The following SLC25A26 variants were observed in gnomAD, a reference collection of about 807,000 sequenced individuals.
SLC25A26 encodes mitochondrial S-adenosylmethionine carrier protein.
Under a neutral mutation model 37.8 loss-of-function variants are expected in SLC25A26, and 36 were observed. The observed-to-expected ratio is 0.95, with a 90% CI of 0.73 to 1.26. The LOEUF is 1.26. Among genes scored for constraint, SLC25A26 ranks in the 50% most tolerant of loss-of-function variants. The pLI is 0.00. For missense variants in SLC25A26, 390 were observed against 331.1 expected (o/e 1.18, Z -1.38); for synonymous variants, 129 against 122.5 (o/e 1.05, Z -0.35).
intron 1 of SLC25A26, among the ~76,000 whole-genome samples, chr3:66,205,578 T>C (rs1011226297): frequency 1.3e-5 from 2 of 152,354 alleles, no homozygotes; most frequent in Non-Finnish European, 2.9e-5. Context: ...TCATTCATAT[T>C]TGGACTGATG....
At chr3:66,235,458 C>G (rs2072231128) in intron 1 of SLC25A26, among the ~76,000 whole-genome samples, 1 of 1,890 alleles carries the variant, frequency 5.3e-4, no homozygotes, top group Admixed American at 3.0e-3. Flanking sequence ...AGGAATTTAG[C>G]TCTTAAAAAA....
At chr3:66,375,720 G>C (rs1003220507) in intron 9 of SLC25A26, among the ~76,000 whole-genome samples, 1 of 152,016 alleles carries the variant, frequency 6.6e-6, no homozygotes, top group African/African-American at 2.4e-5. Flanking sequence ...AAATATTTCC[G>C]CTCATTGACA....
chr3:66,367,441 G>C (rs964531078), intron 7 of SLC25A26, among the ~76,000 whole-genome samples: 1 of 152,108 alleles, frequency 6.6e-6, no homozygotes. Context: ...TAGCTCATAA[G>C]GTACTTCAGC....
intron 5 of SLC25A26, among the ~76,000 whole-genome samples, chr3:66,316,908 G>A (rs190967845): frequency 1.3e-5 from 2 of 152,138 alleles, no homozygotes; most frequent in Non-Finnish European, 2.9e-5. Flanking sequence ...ATTGATACTT[G>A]TGTTGGCATT....
chr3:66,141,849 G>A (rs1408634133), intron 1 of SLC25A26, among the ~76,000 whole-genome samples: 1 of 152,240 alleles, frequency 6.6e-6, no homozygotes, highest in Non-Finnish European at 1.5e-5. Context: ...ACTCAAAGCT[G>A]TGGATGGAAG....
intron 1 of SLC25A26, among the ~76,000 whole-genome samples, chr3:66,208,535 C>A (rs2071210564): frequency 6.6e-6 from 1 of 151,464 alleles, no homozygotes; most frequent in Non-Finnish European, 1.5e-5. Flanking sequence ...GGACAACCCA[C>A]TTTTCCGGGA....
At chr3:66,171,229 G>C (rs896839421) in intron 1 of SLC25A26, among the ~76,000 whole-genome samples, 4 of 152,140 alleles carry the variant, frequency 2.6e-5, no homozygotes, top group Admixed American at 2.6e-4. Flanking sequence ...ATGTAGCATG[G>C]GTAAACTGAG....
At chr3:66,210,872 C>T (rs1047423452) in intron 1 of SLC25A26, among the ~76,000 whole-genome samples, 7 of 152,252 alleles carry the variant, frequency 4.6e-5, no homozygotes, top group Admixed American at 2.6e-4. Flanking sequence ...AGCAAGGAGA[C>T]GTGACTGGCG....
chr3:66,239,090 T>C (rs1559603618), intron 2 of SLC25A26, among the ~76,000 whole-genome samples: 1 of 152,228 alleles, frequency 6.6e-6, no homozygotes, highest in Non-Finnish European at 1.5e-5. Flanking sequence ...TCTGCTCGAT[T>C]GTCTGATGTC....
intron 1 of SLC25A26, among the ~76,000 whole-genome samples, chr3:66,183,771 A>C (rs553259661): frequency 7.9e-5 from 12 of 151,978 alleles, no homozygotes; most frequent in African/African-American, 2.7e-4. Flanking sequence ...TTGACACTGA[A>C]CGTGATGCTA....
intron 3 of SLC25A26, among the ~76,000 whole-genome samples, chr3:66,260,648 A>C (rs190447442): frequency 2.0e-5 from 3 of 152,180 alleles, no homozygotes; most frequent in Non-Finnish European, 4.4e-5. Flanking sequence ...CCCACTTGTC[A>C]TGGGGTGCTC....
chr3:66,144,425 A>G (rs1433132564), intron 1 of SLC25A26, among the ~76,000 whole-genome samples: 2 of 152,208 alleles, frequency 1.3e-5, no homozygotes, highest in South Asian at 2.1e-4. Context: ...AGCATGATAT[A>G]GCACACTGGT....
intron 1 of SLC25A26, among the ~76,000 whole-genome samples, chr3:66,162,813 C>A (rs998803069): frequency 6.6e-6 from 1 of 152,188 alleles, no homozygotes; most frequent in African/African-American, 2.4e-5. Context: ...ATTCCCTGCA[C>A]ATGGAGGTGA....
Position 66,370,615 on chromosome 3 carries a change from A to G in SLC25A26, c.707+13A>G, listed in dbSNP as rs370048017. 2.2e-5 allele frequency: 36 copies of G among 1,609,224 alleles called. No homozygotes were observed. In the African/African-American group the frequency reaches 4.8e-4, roughly 21 times the overall value. On this transcript the variant is annotated intron_variant, in intron 9 of 9. Transcript: ENST00000354883. ...AGGGGCTGGCAGGGTAAGACGAGGAATGCCCTCCTTCCTTTCTTCCTCTCC... is the reference window on the plus strand; with the variant it reads ...AGGGGCTGGCAGGGTAAGACGAGGAGTGCCCTCCTTCCTTTCTTCCTCTCC...
intron 5 of SLC25A26, among the ~76,000 whole-genome samples, chr3:66,327,668 T>G (rs1478856575): frequency 1.3e-5 from 2 of 152,176 alleles, no homozygotes. Flanking sequence ...GTTTATTAGT[T>G]GGTGGTATGG....
At chr3:66,168,419 G>C (rs1045028917) in intron 1 of SLC25A26, among the ~76,000 whole-genome samples, 6 of 151,930 alleles carry the variant, frequency 3.9e-5, no homozygotes, top group Non-Finnish European at 8.8e-5. Flanking sequence ...GAAATTCTGA[G>C]GCAGGATAAA....
At chr3:66,199,334 C>A (rs2071082472) in intron 1 of SLC25A26, among the ~76,000 whole-genome samples, 2 of 151,682 alleles carry the variant, frequency 1.3e-5, no homozygotes, top group Non-Finnish European at 2.9e-5. Context: ...GACCCTCATC[C>A]TGACTTGGAC....
At chr3:66,134,779 T>G (rs575066223) in intron 1 of SLC25A26, among the ~76,000 whole-genome samples, 7 of 152,292 alleles carry the variant, frequency 4.6e-5, no homozygotes, top group Admixed American at 1.3e-4. Flanking sequence ...TTTGTCACTT[T>G]TCTTCTTTGA....
upstream of SLC25A26, among the ~76,000 whole-genome samples, chr3:66,218,993 T>C (rs997739404): frequency 1.5e-4 from 23 of 152,360 alleles, no homozygotes; most frequent in African/African-American, 5.5e-4. Context: ...TGTGAGGTAA[T>C]AGAAGTTTAT....
Sources: gnomAD v4.1 joint callset for allele counts (sites outside exome capture counted in the v4.1 genomes callset) on GRCh38, gnomAD v4.1.1 for gene constraint, MANE v1.5 for transcripts, NCBI Gene and HGNC (gene_info 2026-07-23, HGNC 2026-07-21) for gene names.